TACR3: variants seen among roughly 807,000 people sequenced by gnomAD.
TACR3 encodes neuromedin-K receptor.
Under a neutral mutation model 35.0 loss-of-function variants are expected in TACR3, and 34 were observed. The observed-to-expected ratio is 0.97, with a 90% CI of 0.74 to 1.30. The LOEUF is 1.30. Among genes scored for constraint, TACR3 ranks in the 50% most tolerant of loss-of-function variants. The pLI is 0.00. For synonymous variants in TACR3, 233 were observed against 221.1 expected (o/e 1.05, Z -0.48); for missense variants, 558 against 591.7 (o/e 0.94, Z 0.59).
At chr4:103,607,811 G>T (rs1478711455) in intron 3 of TACR3, among the ~76,000 whole-genome samples, 1 of 152,092 alleles carries the variant, frequency 6.6e-6, no homozygotes, top group Non-Finnish European at 1.5e-5. Flanking sequence ...GGGCTGGAAA[G>T]GATATCAGGA....
At chr4:103,665,234 A>G (rs1038741001) in intron 1 of TACR3, among the ~76,000 whole-genome samples, 1 of 139,712 alleles carries the variant, frequency 7.2e-6, no homozygotes, top group African/African-American at 2.6e-5. Flanking sequence ...TGACTCATGT[A>G]TGACTCATAT....
At chr4:103,622,678 G>C (rs79013937) in intron 3 of TACR3, among the ~76,000 whole-genome samples, 1 of 152,128 alleles carries the variant, frequency 6.6e-6, no homozygotes, top group Non-Finnish European at 1.5e-5. Flanking sequence ...GCAGTGAGCC[G>C]AGAGGCTTGA....
chr4:103,593,171 CAATT>C (rs542198852), intron 3 of TACR3: 30 of 151,808 alleles, frequency 2.0e-4, no homozygotes, highest in African/African-American at 5.6e-4. Flanking sequence ...ACGTATTTAA[CAATT>C]AATTAATTGT....
At chr4:103,686,257 C>T (rs1722235813) in intron 1 of TACR3, among the ~76,000 whole-genome samples, 1 of 152,114 alleles carries the variant, frequency 6.6e-6, no homozygotes, top group South Asian at 2.1e-4. Flanking sequence ...ACTTGTAAAC[C>T]TTCTGAATTT....
At chr4:103,711,164 C>A (rs1578268680) in intron 1 of TACR3, among the ~76,000 whole-genome samples, 1 of 152,266 alleles carries the variant, frequency 6.6e-6, no homozygotes, top group East Asian at 1.9e-4. Flanking sequence ...CATCCTGACA[C>A]CAAACCCTGG....
intron 3 of TACR3, among the ~76,000 whole-genome samples, chr4:103,650,073 T>C (rs965315230): frequency 4.6e-5 from 7 of 152,064 alleles, no homozygotes; most frequent in Non-Finnish European, 1.0e-4. Context: ...AGTAAGGCTG[T>C]GGTTCTTGCA....
intron 3 of TACR3, among the ~76,000 whole-genome samples, chr4:103,594,486 T>G (rs1723962940): frequency 6.6e-6 from 1 of 152,184 alleles, no homozygotes; most frequent in Non-Finnish European, 1.5e-5. Context: ...CTAATATAAT[T>G]ATTTTCATGG....
Position 103,658,058 on chromosome 4 carries a change from A to G in TACR3, c.737+157T>C, listed in dbSNP as rs934608749. On this transcript the variant is annotated intron_variant, in intron 2 of 4. Transcript: ENST00000304883. ...TTACACAACTTATTGACCACACACAAATCATACCATATTACAGTATTTTTA... is the reference window on the plus strand; with the variant it reads ...TTACACAACTTATTGACCACACACAGATCATACCATATTACAGTATTTTTA... Among the ~76,000 whole-genome samples the G allele has an allele frequency of 2.0e-5, 3 of 152,308 alleles. No individual in the cohort carries two copies. The South Asian group carries it at 6.2e-4, about 32-fold the overall frequency.
At chr4:103,641,930 C>G (rs1725365013) in intron 3 of TACR3, among the ~76,000 whole-genome samples, 1 of 151,644 alleles carries the variant, frequency 6.6e-6, no homozygotes. Flanking sequence ...AAATGTCAAA[C>G]TAATAGAAGT....
At chr4:103,697,545 C>A (rs1316240345) in intron 1 of TACR3, among the ~76,000 whole-genome samples, 1 of 152,022 alleles carries the variant, frequency 6.6e-6, no homozygotes, top group Non-Finnish European at 1.5e-5. Flanking sequence ...CTGCCTCAGC[C>A]TCCGGAGTAA....
intron 3 of TACR3, among the ~76,000 whole-genome samples, chr4:103,646,294 C>A (rs2110322924): frequency 6.6e-6 from 1 of 152,034 alleles, no homozygotes; most frequent in South Asian, 2.1e-4. Flanking sequence ...TAGAAAACAT[C>A]TTTCCTGAAT....
At chr4:103,718,276 G>A (rs551000746) in intron 1 of TACR3, among the ~76,000 whole-genome samples, 117 of 152,254 alleles carry the variant, frequency 7.7e-4, no homozygotes, top group South Asian at 5.8e-3. Context: ...CCATGCAACT[G>A]CCTTTCACAA....
At chr4:103,634,007 C>T (rs141070597) in intron 3 of TACR3, among the ~76,000 whole-genome samples, 2 of 152,106 alleles carry the variant, frequency 1.3e-5, no homozygotes, top group Non-Finnish European at 2.9e-5. Flanking sequence ...CACAAAAGGT[C>T]GGAAGCTAAA....
At chr4:103,646,428 C>T (rs1288952635) in intron 3 of TACR3, among the ~76,000 whole-genome samples, 1 of 151,920 alleles carries the variant, frequency 6.6e-6, no homozygotes, top group Admixed American at 6.6e-5. Context: ...ATAGACACCA[C>T]TTCTTTATTC....
rs1560797387 is a variant in TACR3 at position 103,591,541 on chromosome 4, A to G, written c.1031T>C (p.Leu344Pro). ...IQQVYLASFWLAMSSTMYNPI... is the reference protein window; with the variant it reads ...IQQVYLASFWPAMSSTMYNPI... The stretch of plus-strand genomic sequence containing the variant: ...ATTGTACATGGTTGAGCTCATTGCC[A>G]GCCAAAAGCTAGCCAGGTAGACCTG... Residue 344 changes from leucine (L) to proline (P), a missense_variant, in exon 4 of 5, where the codon CTG becomes CCG. Transcript: ENST00000304883. 1 of 1,613,954 alleles carries G rather than the reference A, an allele frequency of 6.2e-7. No individual in the cohort carries two copies. Among genetic ancestry groups the G allele is most frequent in the African/African-American group, 1.3e-5 (1 of 75,040 alleles).
At chr4:103,685,335 C>A (rs1370283607) in intron 1 of TACR3, among the ~76,000 whole-genome samples, 1 of 152,002 alleles carries the variant, frequency 6.6e-6, no homozygotes, top group African/African-American at 2.4e-5. Context: ...ACATTGAGTT[C>A]AAGCTAAGAC....
chr4:103,696,371 AT>A (rs1420306776), intron 1 of TACR3, among the ~76,000 whole-genome samples: 1 of 151,884 alleles, frequency 6.6e-6, no homozygotes, highest in African/African-American at 2.4e-5. Flanking sequence ...ACAGAAAAAC[AT>A]TTTTGTAGAA....
chr4:103,602,478 C>T (rs542999891), intron 3 of TACR3, among the ~76,000 whole-genome samples: 10 of 118,426 alleles, frequency 8.4e-5, no homozygotes, highest in African/African-American at 3.0e-4. Context: ...TTAGAGTTTC[C>T]AGTTTTTCTG....
chr4:103,590,809 T>C (rs1207440409), intron 4 of TACR3, among the ~76,000 whole-genome samples: 1 of 152,204 alleles, frequency 6.6e-6, no homozygotes, highest in African/African-American at 2.4e-5. Context: ...AACCAAGGTG[T>C]TTTTATCTGG....
Sources: allele counts gnomAD v4.1 joint callset (sites outside exome capture counted in the v4.1 genomes callset), GRCh38; gene constraint gnomAD v4.1.1; transcripts MANE v1.5; gene names NCBI Gene and HGNC (gene_info 2026-07-23, HGNC 2026-07-21).